NRCAM: variants seen among roughly 807,000 people sequenced by gnomAD.
The protein encoded by NRCAM is neuronal cell adhesion molecule, also known as NgCAM-related cell adhesion molecule.
In NRCAM, 83 loss-of-function variants were observed where a neutral mutation model predicts 156.5. The ratio of observed to expected loss-of-function variants is 0.53; its 90% CI spans 0.44 to 0.64. NRCAM has a LOEUF of 0.64. Ranked by LOEUF, NRCAM falls within the 30% of genes least tolerant of loss-of-function variation. The pLI, the probability that NRCAM is intolerant of heterozygous loss-of-function variation, is 0.00. For synonymous variants in NRCAM, 538 were observed against 563.9 expected (o/e 0.95, Z 0.65); for missense variants, 1,417 against 1,597.3 (o/e 0.89, Z 1.92).
At chr7:108,336,637 G>A (rs991265279) in intron 2 of NRCAM, among the ~76,000 whole-genome samples, 1 of 152,088 alleles carries the variant, frequency 6.6e-6, no homozygotes, top group African/African-American at 2.4e-5. Flanking sequence ...TTTATCTGAG[G>A]AAACCCAACC....
intron 3 of NRCAM, among the ~76,000 whole-genome samples, chr7:108,271,690 C>T (rs904581722): frequency 2.0e-5 from 3 of 147,030 alleles, no homozygotes; most frequent in Non-Finnish European, 3.0e-5. Flanking sequence ...TGAGACTCCA[C>T]GTCAAAAAAA....
chr7:108,218,740 C>T lies in NRCAM; in HGVS notation c.890+4985G>A, dbSNP rs117691358. ...TAAGAGGAAAGTTCATAGCTCTAAA[C>T]GCCTACATCGAAAAGACTGAAAGGG... On this transcript the variant is annotated intron_variant, in intron 11 of 32. Coordinates refer to ENST00000379028, the MANE Select transcript of NRCAM (RefSeq NM_001037132.4). Among the ~76,000 whole-genome samples, 594 of 152,214 alleles carry T rather than the reference C, an allele frequency of 3.9e-3. 1 individual carries two copies. Among genetic ancestry groups the T allele is most frequent in the Non-Finnish European group, 4.7e-3 (319 of 67,994 alleles).
chr7:108,192,055 G>T (rs1475432048), intron 17 of NRCAM, among the ~76,000 whole-genome samples: 2 of 152,202 alleles, frequency 1.3e-5, no homozygotes, highest in Non-Finnish European at 2.9e-5. Flanking sequence ...TGGGTTAGAA[G>T]GGATATGTCC....
chr7:108,273,676 CT>C, intron 3 of NRCAM, among the ~76,000 whole-genome samples: 1 of 151,892 alleles, frequency 6.6e-6, no homozygotes, highest in East Asian at 1.9e-4. Flanking sequence ...CAAAAATTTT[CT>C]CCCGTTCTGT....
At chr7:108,249,048 T>C (rs549341876) in intron 3 of NRCAM, among the ~76,000 whole-genome samples, 3 of 152,314 alleles carry the variant, frequency 2.0e-5, no homozygotes, top group Non-Finnish European at 4.4e-5. Flanking sequence ...CTATGAATCA[T>C]TCTTTTCTAT....
chr7:108,161,011 C>T (rs2048605018), intron 30 of NRCAM, among the ~76,000 whole-genome samples: 1 of 152,194 alleles, frequency 6.6e-6, no homozygotes, highest in African/African-American at 2.4e-5. Context: ...ACGGTCCACA[C>T]AAGAAACCTT....
intron 13 of NRCAM, among the ~76,000 whole-genome samples, chr7:108,203,854 GTCA>G (rs1254011995): frequency 3.3e-5 from 5 of 152,222 alleles, no homozygotes; most frequent in African/African-American, 1.2e-4. Context: ...AGAAAGTGCT[GTCA>G]GCAAGCCAGC....
intron 1 of NRCAM, among the ~76,000 whole-genome samples, chr7:108,442,017 T>C (rs1467556671): frequency 1.3e-5 from 2 of 152,124 alleles, no homozygotes; most frequent in African/African-American, 4.8e-5. Flanking sequence ...TTGTTATTTA[T>C]TAATAGTAAT....
intron 1 of NRCAM, among the ~76,000 whole-genome samples, chr7:108,419,908 A>G (rs955177422): frequency 9.9e-5 from 15 of 152,204 alleles, no homozygotes; most frequent in Non-Finnish European, 2.9e-5. Flanking sequence ...GTATGTAAAA[A>G]GGAGAAACTG....
chr7:108,189,863 A>G, intron 19 of NRCAM, 117 bp from the exon 20 acceptor site: 1 of 568,446 alleles, frequency 1.8e-6, no homozygotes, highest in Admixed American at 3.7e-5. Flanking sequence ...TTGATAGTCA[A>G]TGAGCATGCA....
chr7:108,371,646 C>T (rs776537001), intron 2 of NRCAM, among the ~76,000 whole-genome samples: 46 of 152,156 alleles, frequency 3.0e-4, no homozygotes, highest in Admixed American at 2.0e-3. Flanking sequence ...AGAATTGCCA[C>T]TGTGGATATA....
chr7:108,373,993 A>T, intron 2 of NRCAM, among the ~76,000 whole-genome samples: 1 of 152,214 alleles, frequency 6.6e-6, no homozygotes, highest in African/African-American at 2.4e-5. Context: ...AGAAAAACAC[A>T]GCCATGAAAC....
At chr7:108,362,176 T>C (rs2099556806) in intron 2 of NRCAM, among the ~76,000 whole-genome samples, 1 of 152,268 alleles carries the variant, frequency 6.6e-6, no homozygotes, top group African/African-American at 2.4e-5. Flanking sequence ...AAGTCCCAGA[T>C]CAAAGCCTGG....
intron 3 of NRCAM, among the ~76,000 whole-genome samples, chr7:108,310,114 G>A (rs866338261): frequency 7.9e-5 from 12 of 152,158 alleles, no homozygotes; most frequent in African/African-American, 2.9e-4. Context: ...GTCAGTAAAT[G>A]ACTCCAGCAC....
intron 1 of NRCAM, among the ~76,000 whole-genome samples, chr7:108,431,393 A>G (rs1336966449): frequency 1.3e-5 from 2 of 152,202 alleles, no homozygotes; most frequent in African/African-American, 4.8e-5. Context: ...ACTGTGGCAA[A>G]GGCTTCAGCA....
chr7:108,386,056 T>C (rs1190926921), intron 2 of NRCAM, among the ~76,000 whole-genome samples: 3 of 152,072 alleles, frequency 2.0e-5, no homozygotes, highest in Admixed American at 1.3e-4. Context: ...TTGGTTTCTT[T>C]TGAAAGAAGG....
chr7:108,225,615 A>T (rs1418835960), intron 10 of NRCAM, 30 bp downstream of exon 10: 1 of 1,355,998 alleles, frequency 7.4e-7, no homozygotes, highest in Non-Finnish European at 1.1e-6. Context: ...AATGAAGGAG[A>T]GAATATCAGT....
At chr7:108,223,627 GA>G (rs2092858099) in intron 11 of NRCAM, 97 bp downstream of exon 11, 1 of 544,556 alleles carries the variant, frequency 1.8e-6, no homozygotes, top group Admixed American at 3.4e-5. Context: ...AGAATTAGTA[GA>G]AGACAATGAC....
At chr7:108,197,383 G>A (rs1318768824) in intron 14 of NRCAM, among the ~76,000 whole-genome samples, 2 of 152,150 alleles carry the variant, frequency 1.3e-5, no homozygotes, top group East Asian at 1.9e-4. Context: ...CAGGCACCAT[G>A]AAAACAATTC....
Sources: allele counts gnomAD v4.1 joint callset (sites outside exome capture counted in the v4.1 genomes callset), GRCh38; gene constraint gnomAD v4.1.1; transcripts MANE v1.5; gene names NCBI Gene and HGNC (gene_info 2026-07-23, HGNC 2026-07-21).